The following PCDHGA8 variants were observed in gnomAD, a reference collection of about 807,000 sequenced individuals.
The protein encoded by PCDHGA8 is protocadherin gamma-A8.
Under a neutral mutation model 59.2 loss-of-function variants are expected in PCDHGA8, and 45 were observed. The observed-to-expected ratio is 0.76, with a 90% CI of 0.60 to 0.98. The LOEUF is 0.98. Among genes scored for constraint, PCDHGA8 ranks in the 50% least tolerant of loss-of-function variants. The probability of loss-of-function intolerance (pLI) is 0.00; values close to 1 mark genes in which losing one functional copy is unlikely to be tolerated. For synonymous variants in PCDHGA8, 531 were observed against 519.0 expected (o/e 1.02, Z -0.32); for missense variants, 1,257 against 1,196.2 (o/e 1.05, Z -0.75).
At chr5:141,480,295 G>A (rs1190133739) in intron 1 of PCDHGA8, among the ~76,000 whole-genome samples, 2 of 133,330 alleles carry the variant, frequency 1.5e-5, no homozygotes, top group Admixed American at 7.4e-5. Context: ...TGCACCTGTG[G>A]TACCAGCTAC....
Position 141,489,629 on chromosome 5 carries a change from C to G in PCDHGA8, c.2425-5178C>G. 6.2e-7 allele frequency: 1 copy of G among 1,614,142 alleles called. No individual in the cohort carries two copies. The highest frequency in any genetic ancestry group is 8.5e-7 in the Non-Finnish European group (1 of 1,180,014). On this transcript the variant is annotated intron_variant, in intron 1 of 3. Coordinates refer to ENST00000398604, the MANE Select transcript of PCDHGA8 (RefSeq NM_032088.2). The surrounding 1 kb of genome is among the most constrained non-coding windows in gnomAD (Gnocchi z 4.5). Reference sequence around the variant, plus strand: ...GAGATCCTGGATCTCAATGACAACTCTCCTAGCTTTGCCACCCCTGAGCGA... The same window carrying G: ...GAGATCCTGGATCTCAATGACAACTGTCCTAGCTTTGCCACCCCTGAGCGA...
intron 2 of PCDHGA8, 141 bp downstream of exon 2, chr5:141,495,006 G>A (rs1030195663): frequency 1.3e-6 from 2 of 1,521,564 alleles, no homozygotes; most frequent in Non-Finnish European, 1.8e-6. Flanking sequence ...CTTGGTGTGC[G>A]GGGGGCTGGC....
At position 141,475,845 on chromosome 5, in the gene PCDHGA8, G is replaced by A. The variant is rs2099375736; in HGVS notation, c.2425-18962G>A. On this transcript the variant is annotated intron_variant, in intron 1 of 3. Coordinates refer to ENST00000398604, the MANE Select transcript of PCDHGA8 (RefSeq NM_032088.2). ...CGCTAGCGCGTGTCCTGCTCAGAGA[G>A]CCCGGCGCTAGCTCATTCTTCGTGC... The A allele has an allele frequency of 2.0e-5, 9 of 447,884 alleles. 1 individual carries two copies. In the South Asian group the frequency reaches 2.8e-4, roughly 14 times the overall value. 27.7% of individuals were successfully genotyped at this position (447,884 alleles called of 1,614,324 possible).
chr5:141,422,575 C>G, intron 1 of PCDHGA8: 1 of 1,613,976 alleles, frequency 6.2e-7, no homozygotes, highest in Non-Finnish European at 8.5e-7. Flanking sequence ...CAACGATAAC[C>G]CTCCCGTTTT....
chr5:141,413,194 C>T lies in PCDHGA8; in HGVS notation c.2424+17957C>T, dbSNP rs749749411. ...GACTACAATGGCCGCTCAAAGGAAT[C>T]GCTCAAAGGAATCAAAGGATTGCAG... On this transcript the variant is annotated intron_variant, in intron 1 of 3. Coordinates refer to ENST00000398604, the MANE Select transcript of PCDHGA8 (RefSeq NM_032088.2). 5.3e-5 allele frequency: 85 copies of T among 1,607,784 alleles called. No individual in the cohort carries two copies. Among genetic ancestry groups the T allele is most frequent in the Non-Finnish European group, 7.0e-5 (82 of 1,176,492 alleles).
chr5:141,481,208 A>G lies in PCDHGA8; in HGVS notation c.2425-13599A>G, dbSNP rs116577118. On this transcript the variant is annotated intron_variant, in intron 1 of 3. Coordinates refer to ENST00000398604, the MANE Select transcript of PCDHGA8 (RefSeq NM_032088.2). ...GCCAGGCCCAATTTTTTTAAAAAACATGGTAAGGTCTCCCAGCCTTAAAGT... is the reference window on the plus strand; with the variant it reads ...GCCAGGCCCAATTTTTTTAAAAAACGTGGTAAGGTCTCCCAGCCTTAAAGT... 3.5e-3 allele frequency among the ~76,000 whole-genome samples: 528 copies of G among 152,350 alleles called. 2 individuals carry two copies. Among genetic ancestry groups the G allele is most frequent in the African/African-American group, 0.012 (490 of 41,572 alleles).
At position 141,399,956 on chromosome 5, in the gene PCDHGA8, C is replaced by T. The variant is rs760477759; in HGVS notation, c.2424+4719C>T. On this transcript the variant is annotated intron_variant, in intron 1 of 3. Coordinates refer to ENST00000398604, the MANE Select transcript of PCDHGA8 (RefSeq NM_032088.2). ...TACCACGTGCTGCAGGCTAGCGAGC[C>T]CGGGCTCTTCAGCCTGGGGCTGCGC... is the stretch of plus-strand genomic sequence containing the variant. 106 of 1,612,048 alleles carry T rather than the reference C, an allele frequency of 6.6e-5. No homozygotes were observed. Among genetic ancestry groups the T allele is most frequent in the Middle Eastern group, 1.9e-4 (1 of 5,240 alleles).
intron 1 of PCDHGA8, chr5:141,429,167 T>TAC (rs1357037045): frequency 6.6e-5 from 9 of 136,102 alleles, no homozygotes; most frequent in African/African-American, 8.8e-5. Context: ...AGACATTGTT[T>TAC]ATACACACAC....
chr5:141,418,712 G>A (rs1431536945), intron 1 of PCDHGA8: 1 of 1,613,976 alleles, frequency 6.2e-7, no homozygotes, highest in African/African-American at 1.3e-5. Context: ...CTTTGGTGTG[G>A]CTGACAAAGC....
rs769819389 is a variant in PCDHGA8 at position 141,394,893 on chromosome 5, G to A, written c.2080G>A (p.Val694Met). 4.3e-6 allele frequency: 7 copies of A among 1,613,858 alleles called. No individual in the cohort carries two copies. The highest frequency in any genetic ancestry group is 2.2e-5 in the South Asian group (2 of 91,080). ...CGATTCGAGCCTTACACTCTATCTC[G>A]TGGTGGCAGTGGCTGCCATCTCCTG... ...PNDSSLTLYL[V>M]VAVAAISCVF... Residue 694 changes from valine (V) to methionine (M), a missense_variant, in exon 1 of 4, where the codon GTG (valine) becomes ATG (methionine). Val to Met is a conservative substitution (Grantham distance 21). Transcript: ENST00000398604.
At chr5:141,473,450 T>A (rs2099322542) in intron 1 of PCDHGA8, among the ~76,000 whole-genome samples, 2 of 152,150 alleles carry the variant, frequency 1.3e-5, no homozygotes, top group South Asian at 4.1e-4. Flanking sequence ...AAAATAATTA[T>A]AAAATTTAAA....
At chr5:141,496,285 A>G (rs1003747820) in intron 2 of PCDHGA8, among the ~76,000 whole-genome samples, 1 of 152,210 alleles carries the variant, frequency 6.6e-6, no homozygotes, top group Non-Finnish European at 1.5e-5. Flanking sequence ...AGTTGGTCTG[A>G]GCAGAGTGGG....
intron 3 of PCDHGA8, among the ~76,000 whole-genome samples, chr5:141,506,138 G>T (rs983643755): frequency 6.6e-6 from 1 of 152,134 alleles, no homozygotes; most frequent in African/African-American, 2.4e-5. Flanking sequence ...AGGAGAAGAA[G>T]AATATCATTT....
intron 1 of PCDHGA8, among the ~76,000 whole-genome samples, chr5:141,426,040 G>C (rs1032424646): frequency 2.0e-5 from 3 of 152,212 alleles, no homozygotes; most frequent in African/African-American, 7.2e-5. Flanking sequence ...GAGCCCTGCT[G>C]TTGGCCAATG....
Position 141,453,588 on chromosome 5 carries a change from CTG to C in PCDHGA8, c.2425-41215_2425-41214del, listed in dbSNP as rs572244169. ...TTCATTAGTTTGTGGTTTATCCTCA[CTG>C]TGTTTCTTTTTGCAAAACGCAAAAA... On this transcript the variant is annotated intron_variant, in intron 1 of 3. Coordinates refer to ENST00000398604, the MANE Select transcript of PCDHGA8 (RefSeq NM_032088.2). Among the ~76,000 whole-genome samples the C allele has an allele frequency of 5.9e-5, 9 of 152,296 alleles. No individual in the cohort carries two copies. In the South Asian group the frequency reaches 1.5e-3, roughly 25 times the overall value.
intron 1 of PCDHGA8, among the ~76,000 whole-genome samples, chr5:141,397,434 A>G (rs1343347268): frequency 1.3e-5 from 2 of 152,238 alleles, no homozygotes; most frequent in African/African-American, 4.8e-5. Context: ...TTTCCCTAAT[A>G]TGTGTAATAT....
intron 1 of PCDHGA8, chr5:141,399,493 A>G (rs2093820399): frequency 1.2e-6 from 2 of 1,614,036 alleles, no homozygotes; most frequent in African/African-American, 2.7e-5. Context: ...CTACTTAGTC[A>G]GTGTACCCGA....
At chr5:141,453,745 A>G (rs1208061874) in intron 1 of PCDHGA8, among the ~76,000 whole-genome samples, 1 of 152,264 alleles carries the variant, frequency 6.6e-6, no homozygotes, top group African/African-American at 2.4e-5. Context: ...CTTAAATAAC[A>G]TAAGTCTCCT....
intron 1 of PCDHGA8, chr5:141,475,816 C>A (rs1051857446): frequency 1.5e-5 from 5 of 342,872 alleles, no homozygotes; most frequent in Admixed American, 9.0e-5. Context: ...AGTGAAGTTC[C>A]TGGCGCTAGC....
Sources: allele counts gnomAD v4.1 joint callset (sites outside exome capture counted in the v4.1 genomes callset), GRCh38; gene constraint gnomAD v4.1.1; non-coding constraint Gnocchi (gnomAD v3.1); transcripts MANE v1.5; gene names NCBI Gene and HGNC (gene_info 2026-07-23, HGNC 2026-07-21).